Variants in ITGA5 observed in about 807,000 individuals in gnomAD.
ITGA5 encodes integrin alpha-5.
ITGA5 carries 55 observed loss-of-function variants against 146.3 expected under a neutral mutation model. The observed-to-expected ratio is 0.38, with a 90% CI of 0.30 to 0.47. ITGA5 has a LOEUF of 0.47. Among genes scored for constraint, ITGA5 ranks in the 20% least tolerant of loss-of-function variants. The probability of loss-of-function intolerance (pLI) is 0.99; values close to 1 mark genes in which losing one functional copy is unlikely to be tolerated. For synonymous variants in ITGA5, 500 were observed against 531.8 expected, an observed-to-expected ratio of 0.94 and a Z score of 0.82; for missense variants, 1,131 against 1,329.0, an observed-to-expected ratio of 0.85 and a Z score of 2.32.
chr12:54,404,332 G>T, intron 14 of ITGA5, 86 bp from the exon 15 acceptor site: 1 of 1,564,412 alleles, frequency 6.4e-7, no homozygotes, highest in South Asian at 1.1e-5. Flanking sequence ...GCCAGAATGT[G>T]TGTCCTCTGC....
At chr12:54,408,027 G>T in intron 7 of ITGA5, 83 bp downstream of exon 7, 2 of 1,574,086 alleles carry the variant, frequency 1.3e-6, no homozygotes, top group Non-Finnish European at 1.7e-6. Context: ...TGCCTGAGTA[G>T]GAGAGGGGAG....
At position 54,396,526 on chromosome 12, in the gene ITGA5, C is replaced by T. The variant is rs115804065; in HGVS notation, c.3067-150G>A. The T allele has an allele frequency of 3.4e-4, 221 of 643,148 alleles. No individual in the cohort carries two copies. The African/African-American group carries it at 3.6e-3, about 10-fold the overall frequency. The allele number at this position is 643,148 out of a possible 1,614,324, so 39.8% of individuals were successfully genotyped here. ...CTGAATTCAGGCTAGGACTACCCCT[C>T]TAAGTTGTGCAATGGACCCAGGAGG... On this transcript the variant is annotated intron_variant, in intron 29 of 29. Coordinates refer to ENST00000293379, the MANE Select transcript of ITGA5 (RefSeq NM_002205.5).
Position 54,397,457 on chromosome 12 carries a change from C to T in ITGA5, c.2974G>A (p.Glu992Lys), listed in dbSNP as rs1337003227. 6.2e-7 allele frequency: 1 copy of T among 1,614,174 alleles called. No individual in the cohort carries two copies. The highest frequency in any genetic ancestry group is 1.1e-5 in the South Asian group (1 of 91,078). ...CACAGTGGGACGCCATAGCTGCCTT[C>T]TGCCTTGGTCCATTGCACAGCTGTG... ...VATAVQWTKA[E>K]GSYGVPLWII... Residue 992 changes from glutamate to lysine, a missense_variant, in exon 29 of 30, where the codon GAA becomes AAA. Coordinates refer to ENST00000293379, the MANE Select transcript of ITGA5 (RefSeq NM_002205.5).
In ITGA5 at chr12:54,396,001, C is replaced by G. The variant is rs533048486; in HGVS notation, c.*292G>C. 4 of 311,704 alleles carry G rather than the reference C, an allele frequency of 1.3e-5. No homozygotes were observed. The highest frequency in any genetic ancestry group is 6.5e-5 in the East Asian group (1 of 15,288). 19.3% of individuals were successfully genotyped at this position (311,704 alleles called of 1,614,324 possible). A position where few individuals can be genotyped will look rare whatever the true frequency, so the allele number is the denominator to read the frequency against. ...TATCTTTCCAAGTTGTTTCAGGAAA[C>G]TCTCCAAAATGCAAAGGCTTCAGGG... On this transcript the variant is annotated 3_prime_UTR_variant, in exon 30 of 30. Coordinates refer to ENST00000293379, the MANE Select transcript of ITGA5 (RefSeq NM_002205.5).
At position 54,401,056 on chromosome 12, in the gene ITGA5, C is replaced by G; in HGVS notation, c.2494-61G>C. On this transcript the variant is annotated intron_variant, in intron 24 of 29. Transcript: ENST00000293379. The surrounding 1 kb of genome is among the most constrained non-coding windows in gnomAD (Gnocchi z 5.0). ...AGGGAATGCTTCTGCCCCATTGAGA[C>G]CCTGGATCACCATGGCTCCACTATA... 6.6e-7 allele frequency: 1 copy of G among 1,521,356 alleles called. No individual in the cohort carries two copies. The allele number at this position is 1,521,356 out of a possible 1,614,324, so 94.2% of individuals were successfully genotyped here.
intron 25 of ITGA5, chr12:54,400,229 C>T: frequency 4.5e-6 from 2 of 445,780 alleles, no homozygotes; most frequent in South Asian, 2.4e-5. Context: ...AATGCTCATC[C>T]CTGAGTCTTA....
Position 54,409,074 on chromosome 12 carries a change from C to G in ITGA5, c.584-120G>C. 1.4e-6 allele frequency: 2 copies of G among 1,396,488 alleles called. No individual in the cohort carries two copies. Among genetic ancestry groups the G allele is most frequent in the South Asian group, 1.2e-5 (1 of 82,770 alleles). 86.5% of individuals were successfully genotyped at this position (1,396,488 alleles called of 1,614,324 possible). Reference sequence around the variant, plus strand: ...AGAGAAAGGGCCTTCCTGGACCAGACAGTAAGCATAAAGGCTAACGAACTG... The same window carrying G: ...AGAGAAAGGGCCTTCCTGGACCAGAGAGTAAGCATAAAGGCTAACGAACTG... On this transcript the variant is annotated intron_variant, in intron 4 of 29. Coordinates refer to ENST00000293379, the MANE Select transcript of ITGA5 (RefSeq NM_002205.5). This position sits in a 1 kb window ranked among gnomAD's most constrained non-coding sequence, Gnocchi z 4.7.
chr12:54,399,743 C>T lies in ITGA5; in HGVS notation c.2743G>A (p.Glu915Lys), dbSNP rs1185868214. ...GPQILKCPEAECFRLRCELGP... is the reference protein window; with the variant it reads ...GPQILKCPEAKCFRLRCELGP... ...AGCTCACAGCGCAGCCTGAAACACT[C>T]AGCCTCCGGGCATTTCTAGGAAGAA... Residue 915 changes from glutamate to lysine, a missense_variant, in exon 27 of 30, where the codon GAG (glutamate) becomes AAG (lysine). Coordinates refer to ENST00000293379, the MANE Select transcript of ITGA5 (RefSeq NM_002205.5). The T allele has an allele frequency of 6.2e-7, 1 of 1,614,170 alleles. No individual in the cohort carries two copies. The highest frequency in any genetic ancestry group is 8.5e-7 in the Non-Finnish European group (1 of 1,179,992).
At chr12:54,398,726 C>A (rs772101538) in intron 27 of ITGA5, 28 bp from the exon 28 acceptor site, 1 of 1,503,326 alleles carries the variant, frequency 6.7e-7, no homozygotes, top group East Asian at 2.4e-5. Flanking sequence ...TTGGTTAGCA[C>A]ATCCTCTCTT....
rs544714111 is a variant in ITGA5, at chr12:54,416,933, G to A, written c.218+2048C>T. ...AGAACACTGAGGCTCTCCCTCTTTGGCAATGGCTGTAGGTGAGGGGCTGTG... is the reference window on the plus strand; with the variant it reads ...AGAACACTGAGGCTCTCCCTCTTTGACAATGGCTGTAGGTGAGGGGCTGTG... On this transcript the variant is annotated intron_variant, in intron 1 of 29. Coordinates refer to ENST00000293379, the MANE Select transcript of ITGA5 (RefSeq NM_002205.5). This position sits in a 1 kb window ranked among gnomAD's most constrained non-coding sequence, Gnocchi z 4.1. Among the ~76,000 whole-genome samples the A allele has an allele frequency of 3.9e-5, 6 of 152,224 alleles. No homozygotes were observed. The South Asian group carries it at 6.2e-4, about 16-fold the overall frequency.
chr12:54,408,627 G>A lies in ITGA5; in HGVS notation c.691+129C>T, dbSNP rs1035154682. On this transcript the variant is annotated intron_variant, in intron 6 of 29. Transcript: ENST00000293379. ...TGTAATCCCAGCTACTTGGGAGGCT[G>A]AGGCAGGAGAATCGCTTGAACCTGG... 7.1e-6 allele frequency: 6 copies of A among 839,346 alleles called. No individual in the cohort carries two copies. In the Admixed American group the frequency reaches 1.6e-4, roughly 23 times the overall value. 52.0% of individuals were successfully genotyped at this position (839,346 alleles called of 1,614,324 possible).
In ITGA5 at chr12:54,401,483, G is replaced by GGAGGAGGGTGGTTTA. The variant is rs543547029; in HGVS notation, c.2388-20_2388-6dup. On this transcript the variant is annotated splice_region_variant and splice_polypyrimidine_tract_variant and intron_variant, in intron 23 of 29. Coordinates refer to ENST00000293379, the MANE Select transcript of ITGA5 (RefSeq NM_002205.5). The surrounding 1 kb of genome is among the most constrained non-coding windows in gnomAD (Gnocchi z 5.0). ...ACTGCCTCAGGCTTGGAGACACTAA[G>GGAGGAGGGTGGTTTA]GAGGAGGGTGGTTTAGAGGAGGGTG... 1.1e-3 allele frequency: 1,715 copies of GGAGGAGGGTGGTTTA among 1,592,400 alleles called. 24 individuals are homozygous for GGAGGAGGGTGGTTTA. The African/African-American group carries it at 0.021, about 20-fold the overall frequency.
chr12:54,408,052 G>A (rs1215558293), intron 7 of ITGA5, 58 bp downstream of exon 7: 1 of 1,605,978 alleles, frequency 6.2e-7, no homozygotes, highest in African/African-American at 1.3e-5. Flanking sequence ...GGGGGTGAGT[G>A]GGGACAGGAG....
At position 54,405,710 on chromosome 12, in the gene ITGA5, A is replaced by G; in HGVS notation, c.970T>C (p.Ser324Pro). 6.2e-7 allele frequency: 1 copy of G among 1,614,054 alleles called. No homozygotes were observed. Among genetic ancestry groups the G allele is most frequent in the Non-Finnish European group, 8.5e-7 (1 of 1,179,962 alleles). The part of the protein sequence containing the change: ...LYNFSGEQMA[S>P]YFGYAVAATD... ...GCGGCCACTGCATAGCCAAAGTAGGAGGCCATCTGGGGAGGACAAAGGGGC... is the reference window on the plus strand; with the variant it reads ...GCGGCCACTGCATAGCCAAAGTAGGGGGCCATCTGGGGAGGACAAAGGGGC... The change falls in exon 11 of 30, where the codon TCC (serine) becomes CCC (proline). Residue 324 changes from serine to proline, a missense_variant. This residue lies in a region of ITGA5 where 889 missense variants were observed against 1,021.5 expected (regional missense o/e 0.87). Transcript: ENST00000293379.
Position 54,403,543 on chromosome 12 carries a change from GT to G in ITGA5, c.1776+81del. On this transcript the variant is annotated intron_variant, in intron 17 of 29. Transcript: ENST00000293379. This position sits in a 1 kb window ranked among gnomAD's most constrained non-coding sequence, Gnocchi z 4.9. ...CCAAGCCCTTCACTGGAGTCCCCCA[GT>G]CTTTTTCCCTTCAGGAGGTGCCCTC... is the stretch of plus-strand genomic sequence containing the variant. 1.4e-6 allele frequency: 2 copies of G among 1,480,886 alleles called. No individual in the cohort carries two copies. Among genetic ancestry groups the G allele is most frequent in the Non-Finnish European group, 9.1e-7 (1 of 1,094,120 alleles). The allele number at this position is 1,480,886 out of a possible 1,614,324, so 91.7% of individuals were successfully genotyped here.
At position 54,401,768 on chromosome 12, in the gene ITGA5, C is replaced by A; in HGVS notation, c.2306+8G>T. The A allele has an allele frequency of 6.2e-7, 1 of 1,613,944 alleles. No homozygotes were observed. Among genetic ancestry groups the A allele is most frequent in the Non-Finnish European group, 8.5e-7 (1 of 1,179,820 alleles). On this transcript the variant is annotated splice_region_variant and intron_variant, in intron 22 of 29. Coordinates refer to ENST00000293379, the MANE Select transcript of ITGA5 (RefSeq NM_002205.5). This position sits in a 1 kb window ranked among gnomAD's most constrained non-coding sequence, Gnocchi z 5.0. ...CTCAGCCCCAGCCTAGACACACTCACTCCCTACCTGAGGATCTGGAAGTCA... is the reference window on the plus strand; with the variant it reads ...CTCAGCCCCAGCCTAGACACACTCAATCCCTACCTGAGGATCTGGAAGTCA...
At chr12:54,400,702 G>A in intron 25 of ITGA5, 144 bp downstream of exon 25, 1 of 694,932 alleles carries the variant, frequency 1.4e-6, no homozygotes, top group Non-Finnish European at 2.3e-6. Flanking sequence ...GGATTTTGAG[G>A]TAACTTTGGG....
At position 54,405,276 on chromosome 12, in the gene ITGA5, G is replaced by C; in HGVS notation, c.1115C>G (p.Pro372Arg). Residue 372 changes from proline to arginine, a missense_variant, in exon 12 of 30, where the codon CCA (proline) becomes CGA (arginine). Pro to Arg is a moderately radical substitution (Grantham distance 103). This residue lies in a region of ITGA5 where 889 missense variants were observed against 1,021.5 expected (regional missense o/e 0.87). Transcript: ENST00000293379. ...GGTGGGCGTGGGCTCTATGCCGGCTGGGTGCTGCAGGTAGACGTAGACCCT... is the reference window on the plus strand; with the variant it reads ...GGTGGGCGTGGGCTCTATGCCGGCTCGGTGCTGCAGGTAGACGTAGACCCT... The part of the protein sequence containing the change: ...VGRVYVYLQH[P>R]AGIEPTPTLT... The C allele has an allele frequency of 6.2e-7, 1 of 1,613,908 alleles. No individual in the cohort carries two copies. The highest frequency in any genetic ancestry group is 8.5e-7 in the Non-Finnish European group (1 of 1,179,938).
chr12:54,411,343 A>G (rs1955941614), intron 2 of ITGA5, among the ~76,000 whole-genome samples: 1 of 152,244 alleles, frequency 6.6e-6, no homozygotes, highest in African/African-American at 2.4e-5. Context: ...AAGTGTTCAC[A>G]ACTGGGCCTG....
Sources: allele counts gnomAD v4.1 joint callset (sites outside exome capture counted in the v4.1 genomes callset), GRCh38; gene constraint gnomAD v4.1.1; regional missense constraint gnomAD v4.1.1; non-coding constraint Gnocchi (gnomAD v3.1); transcripts MANE v1.5; gene names NCBI Gene and HGNC (gene_info 2026-07-23, HGNC 2026-07-21).